PAFAH1B1: variants seen among roughly 807,000 people sequenced by gnomAD.
PAFAH1B1 encodes platelet activating factor acetylhydrolase 1b regulatory subunit 1, also known as platelet-activating factor acetylhydrolase IB subunit beta.
In PAFAH1B1, 2 loss-of-function variants were observed where a neutral mutation model predicts 57.5. The ratio of observed to expected loss-of-function variants is 0.03; its 90% CI spans 0.01 to 0.11. The LOEUF is 0.11. Ranked by LOEUF, PAFAH1B1 falls within the 10% of genes least tolerant of loss-of-function variation. The probability of loss-of-function intolerance (pLI) is 1.00; values close to 1 mark genes in which losing one functional copy is unlikely to be tolerated. For synonymous variants in PAFAH1B1, 152 were observed against 169.6 expected (o/e 0.90, Z 0.81); for missense variants, 257 against 512.0 (o/e 0.50, Z 4.81).
At chr17:2,630,111 C>T (rs1001025987) in intron 1 of PAFAH1B1, among the ~76,000 whole-genome samples, 4 of 152,008 alleles carry the variant, frequency 2.6e-5, no homozygotes, top group East Asian at 1.9e-4. Flanking sequence ...TGTGAGGTAC[C>T]GCGGCATTCA....
At chr17:2,625,467 A>G (rs1159108819) in intron 1 of PAFAH1B1, among the ~76,000 whole-genome samples, 5 of 152,214 alleles carry the variant, frequency 3.3e-5, no homozygotes, top group African/African-American at 1.2e-4. Flanking sequence ...CTTAGCTTTC[A>G]TTATATTCTC....
At chr17:2,652,221 T>C (rs1165955602) in intron 2 of PAFAH1B1, among the ~76,000 whole-genome samples, 17 of 151,686 alleles carry the variant, frequency 1.1e-4, no homozygotes, top group African/African-American at 3.6e-4. Context: ...CCATCCTGGC[T>C]AACACGGTGA....
chr17:2,668,158 C>G (rs1449147261), intron 5 of PAFAH1B1, among the ~76,000 whole-genome samples: 1 of 151,718 alleles, frequency 6.6e-6, no homozygotes, highest in Non-Finnish European at 1.5e-5. Context: ...AACCCCATCT[C>G]TACTAAAATA....
At chr17:2,668,373 T>C (rs2069136664) in intron 5 of PAFAH1B1, among the ~76,000 whole-genome samples, 1 of 151,802 alleles carries the variant, frequency 6.6e-6, no homozygotes, top group South Asian at 2.1e-4. Flanking sequence ...GCCTTACTAC[T>C]AACAGCAGAA....
Position 2,674,295 on chromosome 17 carries a change from T to C in PAFAH1B1, c.900+7T>C, listed in dbSNP as rs779170992. 1 of 1,590,558 alleles carries C rather than the reference T, an allele frequency of 6.3e-7. No homozygotes were observed. On this transcript the variant is annotated splice_region_variant and intron_variant, in intron 8 of 10. Transcript: ENST00000397195. ...TGAAGCAACAGGATCTGAGGTACTG[T>C]ATATACAAATGTCTTCATGGTTTTA... is the stretch of plus-strand genomic sequence containing the variant.
At position 2,593,845 on chromosome 17, in the gene PAFAH1B1, TCCCCTCCCCTC is replaced by T. The variant is rs1287052229; in HGVS notation, c.-342_-332del. 1.5e-4 allele frequency: 24 copies of T among 157,748 alleles called. No homozygotes were observed. Among genetic ancestry groups the T allele is most frequent in the Admixed American group, 6.0e-4 (8 of 13,354 alleles). The allele number at this position is 157,748 out of a possible 1,614,324, so 9.8% of individuals were successfully genotyped here. A position where few individuals can be genotyped will look rare whatever the true frequency, so the allele number is the denominator to read the frequency against. ...CGGAACGGCTGAGGAGCCCGCCCGCTCCCCTCCCCTCCCCCTCCCCGGGCCCGGGCCCAGCG... is the reference window on the plus strand; with the variant it reads ...CGGAACGGCTGAGGAGCCCGCCCGCTCCCCTCCCCGGGCCCGGGCCCAGCG... On this transcript the variant is annotated 5_prime_UTR_variant, in exon 1 of 11. Transcript: ENST00000397195.
chr17:2,626,358 T>C (rs1413586656), intron 1 of PAFAH1B1, among the ~76,000 whole-genome samples: 1 of 152,182 alleles, frequency 6.6e-6, no homozygotes, highest in Non-Finnish European at 1.5e-5. Context: ...ATAAGTATGA[T>C]AACTCAATCA....
rs147447726 is a variant in PAFAH1B1, at chr17:2,665,218, G to A, written c.33-154G>A. Among the ~76,000 whole-genome samples, 33 of 152,168 alleles carry A rather than the reference G, an allele frequency of 2.2e-4. No homozygotes were observed. In the East Asian group the frequency reaches 4.6e-3, roughly 21 times the overall value. ...GGGCTAAAAGTTCTGGAGGCTTTGCGGGGGTGTCCTTTTTAATGAAATACT... is the reference window on the plus strand; with the variant it reads ...GGGCTAAAAGTTCTGGAGGCTTTGCAGGGGTGTCCTTTTTAATGAAATACT... On this transcript the variant is annotated intron_variant, in intron 2 of 10. Coordinates refer to ENST00000397195, the MANE Select transcript of PAFAH1B1 (RefSeq NM_000430.4).
At position 2,654,229 on chromosome 17, in the gene PAFAH1B1, G is replaced by A. The variant is rs187794498; in HGVS notation, c.33-11143G>A. On this transcript the variant is annotated intron_variant, in intron 2 of 10. Transcript: ENST00000397195. ...TTTTAAAGACAGTTTTGCTCTTATC[G>A]CCTAGGCTGAAGTGCAATGGTGCTG... Among the ~76,000 whole-genome samples, 20 of 137,824 alleles carry A rather than the reference G, an allele frequency of 1.5e-4. No homozygotes were observed. In the East Asian group the frequency reaches 3.5e-3, roughly 24 times the overall value. 90.4% of individuals were successfully genotyped at this position (137,824 alleles called of 152,430 possible).
chr17:2,672,644 A>C lies in PAFAH1B1; in HGVS notation c.569-11A>C. 1 of 1,535,298 alleles carries C rather than the reference A, an allele frequency of 6.5e-7. No homozygotes were observed. Among genetic ancestry groups the C allele is most frequent in the Non-Finnish European group, 9.0e-7 (1 of 1,108,202 alleles). ...TATTACTTCATAATATATTGCTGTT[A>C]TGTGTTTTAGGCCATGACCACAATG... On this transcript the variant is annotated splice_polypyrimidine_tract_variant and intron_variant, in intron 6 of 10. Transcript: ENST00000397195.
chr17:2,606,529 A>G (rs2068205821), intron 1 of PAFAH1B1, among the ~76,000 whole-genome samples: 1 of 151,820 alleles, frequency 6.6e-6, no homozygotes, highest in Admixed American at 6.6e-5. Flanking sequence ...AGCCAAGCTA[A>G]TTTTTGTATT....
intron 1 of PAFAH1B1, among the ~76,000 whole-genome samples, chr17:2,615,495 C>T (rs2068327511): frequency 6.6e-6 from 1 of 151,632 alleles, no homozygotes; most frequent in African/African-American, 2.4e-5. Context: ...GCCTGGAGTG[C>T]AGTGGCACAA....
chr17:2,641,713 GTTC>G (rs913490634), intron 2 of PAFAH1B1: 3 of 152,020 alleles, frequency 2.0e-5, no homozygotes, highest in Non-Finnish European at 4.4e-5. Context: ...ACAAGCTTTG[GTTC>G]TTCTTAGTGG....
Position 2,593,705 on chromosome 17 carries a change from G to C in PAFAH1B1, c.-492G>C, listed in dbSNP as rs1249262909. The C allele has an allele frequency of 3.2e-6, 1 of 316,144 alleles. No individual in the cohort carries two copies. The highest frequency in any genetic ancestry group is 5.7e-6 in the Non-Finnish European group (1 of 174,626). The allele number at this position is 316,144 out of a possible 1,614,324, so 19.6% of individuals were successfully genotyped here. On this transcript the variant is annotated 5_prime_UTR_variant, in exon 1 of 11. Coordinates refer to ENST00000397195, the MANE Select transcript of PAFAH1B1 (RefSeq NM_000430.4). ...GGCGGAGTCCGGCGGCCGGGAGAGCGAGTGAGCGAGCGGAGGAGCAGCGAC... is the reference window on the plus strand; with the variant it reads ...GGCGGAGTCCGGCGGCCGGGAGAGCCAGTGAGCGAGCGGAGGAGCAGCGAC...
At chr17:2,664,665 G>GCGCGCTCGCTCTCTCTCT in intron 2 of PAFAH1B1, among the ~76,000 whole-genome samples, 1 of 86,028 alleles carries the variant, frequency 1.2e-5, no homozygotes, top group African/African-American at 3.9e-5. Context: ...TCTATCTATC[G>GCGCGCTCGCTCTCTCTCT]CTCTCTCTCT....
intron 1 of PAFAH1B1, among the ~76,000 whole-genome samples, chr17:2,602,246 C>A (rs1039202440): frequency 6.9e-6 from 1 of 145,584 alleles, no homozygotes; most frequent in Middle Eastern, 3.6e-3. Flanking sequence ...TTATCTCCAC[C>A]TACTGAAAAA....
intron 1 of PAFAH1B1, among the ~76,000 whole-genome samples, chr17:2,626,165 A>C (rs538885378): frequency 6.6e-6 from 1 of 152,124 alleles, no homozygotes; most frequent in South Asian, 2.1e-4. Context: ...GAGGCAAAAC[A>C]ATCGCTTGAA....
intron 1 of PAFAH1B1, among the ~76,000 whole-genome samples, chr17:2,622,143 T>C (rs2151623701): frequency 6.6e-6 from 1 of 152,242 alleles, no homozygotes. Flanking sequence ...CAAGTTGAGA[T>C]TTGGGTGAGG....
At chr17:2,653,976 T>G (rs1322692723) in intron 2 of PAFAH1B1, among the ~76,000 whole-genome samples, 1 of 151,694 alleles carries the variant, frequency 6.6e-6, no homozygotes, top group African/African-American at 2.4e-5. Flanking sequence ...GCCCGGTTAA[T>G]TTTTTCTATT....
Sources: allele counts gnomAD v4.1 joint callset (sites outside exome capture counted in the v4.1 genomes callset), GRCh38; gene constraint gnomAD v4.1.1; transcripts MANE v1.5; gene names NCBI Gene and HGNC (gene_info 2026-07-23, HGNC 2026-07-21).